Variants in CCDC85A observed in about 807,000 individuals in gnomAD.
The protein encoded by CCDC85A is coiled-coil domain containing 85A, also known as coiled-coil domain-containing protein 85A.
A neutral mutation model predicts 50.2 loss-of-function variants in CCDC85A; 38 were observed. That is an observed-to-expected ratio of 0.76 (90% CI 0.58 to 0.99). The LOEUF (loss-of-function observed/expected upper bound fraction) is 0.99. Ranked by LOEUF, CCDC85A falls within the 50% of genes least tolerant of loss-of-function variation. The pLI is 0.00. For missense variants in CCDC85A, 820 were observed against 742.0 expected, an observed-to-expected ratio of 1.11 and a Z score of -1.22; for synonymous variants, 366 against 301.4, an observed-to-expected ratio of 1.21 and a Z score of -2.22.
chr2:56,343,103 G>A (rs912171302), intron 3 of CCDC85A, 148 bp downstream of exon 3: 2 of 562,546 alleles, frequency 3.6e-6, no homozygotes, highest in African/African-American at 3.8e-5. Flanking sequence ...GTGTGATTAT[G>A]TTCCATGATG....
intron 2 of CCDC85A, among the ~76,000 whole-genome samples, chr2:56,267,595 C>T (rs761957410): frequency 4.5e-4 from 68 of 152,126 alleles, no homozygotes; most frequent in Non-Finnish European, 8.1e-4. Context: ...CTGGCATCCA[C>T]AGTGAGCCCT....
intron 2 of CCDC85A, among the ~76,000 whole-genome samples, chr2:56,296,045 T>C (rs1416054443): frequency 6.6e-6 from 1 of 152,212 alleles, no homozygotes. Flanking sequence ...GAAGTCAGTT[T>C]TAAAAATGTG....
intron 2 of CCDC85A, among the ~76,000 whole-genome samples, chr2:56,243,182 T>A (rs1041944146): frequency 4.9e-4 from 74 of 152,168 alleles, no homozygotes; most frequent in African/African-American, 1.7e-3. Flanking sequence ...TTTGTCTATG[T>A]TTGAGAAGTT....
intron 2 of CCDC85A, among the ~76,000 whole-genome samples, chr2:56,239,401 T>TC (rs1669158710): frequency 6.6e-6 from 1 of 152,074 alleles, no homozygotes; most frequent in African/African-American, 2.4e-5. Flanking sequence ...TGCTAACAAA[T>TC]TACTCTGTAG....
intron 3 of CCDC85A, among the ~76,000 whole-genome samples, chr2:56,370,740 G>A (rs1676030557): frequency 6.6e-6 from 1 of 152,054 alleles, no homozygotes; most frequent in Non-Finnish European, 1.5e-5. Context: ...TAGATTTCAT[G>A]GGTATGATGA....
Position 56,216,807 on chromosome 2 carries a change from A to G in CCDC85A, c.1240+23367A>G, listed in dbSNP as rs186985854. 3.2e-4 allele frequency among the ~76,000 whole-genome samples: 48 copies of G among 148,956 alleles called. 1 individual carries two copies. In the East Asian group the frequency reaches 8.7e-3, roughly 27 times the overall value. On this transcript the variant is annotated intron_variant, in intron 2 of 5. Transcript: ENST00000407595. ...AGCTAAAATTTATCTGTGGTCATGG[A>G]GAACTATTTGCCTGAAATTTTTTCC...
In CCDC85A at chr2:56,200,747, G is replaced by A. The variant is rs548601437; in HGVS notation, c.1240+7307G>A. Among the ~76,000 whole-genome samples the A allele has an allele frequency of 2.0e-5, 3 of 152,200 alleles. No homozygotes were observed. The South Asian group carries it at 6.2e-4, about 32-fold the overall frequency. ...GTTCCAAAGATAAAAGACAATAACT[G>A]GGTTATTCACAGATGGCTGTTCATT... On this transcript the variant is annotated intron_variant, in intron 2 of 5. Transcript: ENST00000407595.
chr2:56,323,239 C>T (rs918444816), intron 2 of CCDC85A, among the ~76,000 whole-genome samples: 3 of 152,080 alleles, frequency 2.0e-5, no homozygotes, highest in Non-Finnish European at 2.9e-5. Context: ...CGCATGTATA[C>T]ATATGTAACA....
chr2:56,342,185 T>A (rs1301514059), intron 2 of CCDC85A, among the ~76,000 whole-genome samples: 1 of 140,724 alleles, frequency 7.1e-6, no homozygotes, highest in Non-Finnish European at 1.5e-5. Context: ...CACCTATAAT[T>A]TTCTCTAATA....
intron 2 of CCDC85A, among the ~76,000 whole-genome samples, chr2:56,327,525 C>T (rs200533354): frequency 3.3e-5 from 5 of 152,030 alleles, no homozygotes; most frequent in African/African-American, 9.7e-5. Context: ...TTGTCATATT[C>T]GCCTTTTATG....
chr2:56,195,459 C>G (rs556441259), intron 2 of CCDC85A, among the ~76,000 whole-genome samples: 1 of 152,152 alleles, frequency 6.6e-6, no homozygotes, highest in Non-Finnish European at 1.5e-5. Context: ...AGTGACCAAT[C>G]TTATGCTGAG....
chr2:56,274,843 C>G (rs1670855929), intron 2 of CCDC85A, among the ~76,000 whole-genome samples: 2 of 152,160 alleles, frequency 1.3e-5, no homozygotes, highest in African/African-American at 2.4e-5. Flanking sequence ...AAGATCAAGA[C>G]TGCTAGCAAG....
chr2:56,215,912 C>T (rs748286704), intron 2 of CCDC85A, among the ~76,000 whole-genome samples: 27 of 151,766 alleles, frequency 1.8e-4, no homozygotes, highest in Non-Finnish European at 4.0e-4. Context: ...TATTTTATGA[C>T]AAGAAAATTA....
At chr2:56,374,010 A>G (rs928946929) in intron 4 of CCDC85A, among the ~76,000 whole-genome samples, 2 of 152,198 alleles carry the variant, frequency 1.3e-5, no homozygotes, top group African/African-American at 2.4e-5. Flanking sequence ...TTTCCCTTCC[A>G]TTAGATGTAT....
chr2:56,184,532 A>C lies in CCDC85A; in HGVS notation c.-93A>C. 3 of 1,277,348 alleles carry C rather than the reference A, an allele frequency of 2.3e-6. No homozygotes were observed. The highest frequency in any genetic ancestry group is 3.3e-5 in the East Asian group (1 of 30,438). The allele number at this position is 1,277,348 out of a possible 1,614,324, so 79.1% of individuals were successfully genotyped here. ...GTGCCGCTGACTCGCCGGAGCGCACAGGGGTGTGGGCGGAGGCGGCCTCGC... is the reference window on the plus strand; with the variant it reads ...GTGCCGCTGACTCGCCGGAGCGCACCGGGGTGTGGGCGGAGGCGGCCTCGC... On this transcript the variant is annotated 5_prime_UTR_variant, in exon 1 of 6. Coordinates refer to ENST00000407595, the MANE Select transcript of CCDC85A (RefSeq NM_001080433.2).
chr2:56,315,408 T>A (rs932986805), intron 2 of CCDC85A, among the ~76,000 whole-genome samples: 2 of 152,158 alleles, frequency 1.3e-5, no homozygotes, highest in Non-Finnish European at 2.9e-5. Context: ...AGTGGTTGAA[T>A]CAAGTTATGG....
At chr2:56,371,020 G>A (rs17190226) in intron 3 of CCDC85A, among the ~76,000 whole-genome samples, 13,278 of 152,070 alleles carry the variant, frequency 0.087, 686 homozygotes, top group Middle Eastern at 0.13. Context: ...TGTGAATCAT[G>A]TTATAAATTT....
chr2:56,197,823 T>C (rs569923694), intron 2 of CCDC85A, among the ~76,000 whole-genome samples: 1 of 152,328 alleles, frequency 6.6e-6, no homozygotes, highest in Admixed American at 6.5e-5. Flanking sequence ...GTGTTTTTGA[T>C]GGGTGGAATT....
intron 2 of CCDC85A, among the ~76,000 whole-genome samples, chr2:56,270,901 T>G (rs1670668627): frequency 1.3e-5 from 2 of 152,234 alleles, no homozygotes; most frequent in Admixed American, 6.5e-5. Context: ...GAGGGGCTAA[T>G]ACATAATCAA....
Sources: allele counts gnomAD v4.1 joint callset (sites outside exome capture counted in the v4.1 genomes callset), GRCh38; gene constraint gnomAD v4.1.1; transcripts MANE v1.5; gene names NCBI Gene and HGNC (gene_info 2026-07-23, HGNC 2026-07-21).